Variants in LRMDA observed in about 807,000 individuals in gnomAD.
LRMDA encodes leucine-rich melanocyte differentiation-associated protein.
In LRMDA, 18 loss-of-function variants were observed where a neutral mutation model predicts 29.8. The observed-to-expected ratio is 0.60, with a 90% CI of 0.42 to 0.90. The LOEUF is 0.90. Ranked by LOEUF, LRMDA falls within the 40% of genes least tolerant of loss-of-function variation. The pLI is 0.00. For missense variants in LRMDA, 273 were observed against 273.9 expected (o/e 1.00, Z 0.02); for synonymous variants, 125 against 109.4 (o/e 1.14, Z -0.89).
intron 5 of LRMDA, among the ~76,000 whole-genome samples, chr10:76,285,875 G>C (rs892313808): frequency 6.6e-6 from 1 of 152,188 alleles, no homozygotes; most frequent in Non-Finnish European, 1.5e-5. Context: ...GTTCTCCCCA[G>C]TGCTAGAGTC....
At chr10:75,585,219 C>G (rs1033405064) in intron 2 of LRMDA, among the ~76,000 whole-genome samples, 1 of 152,216 alleles carries the variant, frequency 6.6e-6, no homozygotes, top group East Asian at 1.9e-4. Flanking sequence ...AGTTTTGCCC[C>G]TGTTAAAACT....
At chr10:76,118,568 G>T (rs1017741493) in intron 5 of LRMDA, among the ~76,000 whole-genome samples, 17 of 152,260 alleles carry the variant, frequency 1.1e-4, no homozygotes, top group Admixed American at 8.5e-4. Flanking sequence ...ACATACACAA[G>T]ATTCTGCCTT....
chr10:76,145,820 G>T (rs1002334119), intron 5 of LRMDA, among the ~76,000 whole-genome samples: 4 of 151,436 alleles, frequency 2.6e-5, no homozygotes, highest in African/African-American at 9.7e-5. Context: ...TTTCTCTTGT[G>T]GGCATTTAGT....
intron 2 of LRMDA, among the ~76,000 whole-genome samples, chr10:75,926,827 G>T (rs1391547355): frequency 6.6e-6 from 1 of 152,154 alleles, no homozygotes; most frequent in African/African-American, 2.4e-5. Context: ...AGACCTTGTT[G>T]TTTTTCTCCT....
chr10:75,869,291 A>G (rs1204681428), intron 2 of LRMDA, among the ~76,000 whole-genome samples: 1 of 152,190 alleles, frequency 6.6e-6, no homozygotes, highest in Non-Finnish European at 1.5e-5. Context: ...TTAATAATGA[A>G]GTTGAGACTG....
intron 2 of LRMDA, among the ~76,000 whole-genome samples, chr10:76,018,876 A>C (rs1847924658): frequency 6.6e-6 from 1 of 151,914 alleles, no homozygotes; most frequent in African/African-American, 2.4e-5. Context: ...GGCCCTGGAG[A>C]CTCTTAAGAC....
intron 5 of LRMDA, among the ~76,000 whole-genome samples, chr10:76,199,844 C>T (rs1851395505): frequency 6.6e-6 from 1 of 152,154 alleles, no homozygotes; most frequent in African/African-American, 2.4e-5. Context: ...TCTGAAGCAT[C>T]CTGAATCTAC....
chr10:76,100,941 A>G (rs964316567), intron 5 of LRMDA, among the ~76,000 whole-genome samples: 3 of 152,086 alleles, frequency 2.0e-5, no homozygotes. Context: ...CTATTTTCTC[A>G]TGCTAGTACA....
chr10:76,514,641 C>T (rs1843041676), intron 6 of LRMDA, among the ~76,000 whole-genome samples: 1 of 152,240 alleles, frequency 6.6e-6, no homozygotes, highest in African/African-American at 2.4e-5. Context: ...ATTTGAACTT[C>T]CCTCCTTGTG....
chr10:75,814,830 AG>A (rs1223352266), intron 2 of LRMDA, among the ~76,000 whole-genome samples: 1 of 152,232 alleles, frequency 6.6e-6, no homozygotes. Context: ...AGTGAAATGC[AG>A]GTAATAGGGC....
chr10:76,133,209 C>T (rs1850030756), intron 5 of LRMDA, among the ~76,000 whole-genome samples: 1 of 151,912 alleles, frequency 6.6e-6, no homozygotes, highest in Admixed American at 6.6e-5. Context: ...CAACGCTATG[C>T]TAAGTGTTAC....
At chr10:75,846,302 T>C (rs983988247) in intron 2 of LRMDA, among the ~76,000 whole-genome samples, 3 of 150,972 alleles carry the variant, frequency 2.0e-5, no homozygotes, top group Non-Finnish European at 4.4e-5. Context: ...TTCAAAATAA[T>C]TAAAGGGAAA....
intron 5 of LRMDA, among the ~76,000 whole-genome samples, chr10:76,059,247 G>C (rs1848666384): frequency 6.6e-6 from 1 of 152,214 alleles, no homozygotes; most frequent in African/African-American, 2.4e-5. Context: ...GATATCGTTA[G>C]TGTGGAAGGT....
Position 76,363,625 on chromosome 10 carries a change from C to G in LRMDA, c.601+39140C>G, listed in dbSNP as rs184805713. ...ATCTAGATAACATGGAATACTTTTG[C>G]TTACTCTTTCTCTGCCTTCCTTCAT... On this transcript the variant is annotated intron_variant, in intron 6 of 6. Coordinates refer to ENST00000611255, the MANE Select transcript of LRMDA (RefSeq NM_001305581.2). Among the ~76,000 whole-genome samples the G allele has an allele frequency of 1.3e-3, 193 of 151,972 alleles. 1 individual carries two copies. The highest frequency in any genetic ancestry group is 4.4e-3 in the African/African-American group (183 of 41,506).
chr10:75,708,967 G>C (rs973745186), intron 2 of LRMDA, among the ~76,000 whole-genome samples: 1 of 152,186 alleles, frequency 6.6e-6, no homozygotes, highest in Non-Finnish European at 1.5e-5. Flanking sequence ...ATTTGCATAG[G>C]AATAGGAAGT....
At chr10:76,206,297 C>T (rs1316572594) in intron 5 of LRMDA, among the ~76,000 whole-genome samples, 4 of 152,196 alleles carry the variant, frequency 2.6e-5, no homozygotes, top group African/African-American at 7.2e-5. Flanking sequence ...TTCTCTCTTT[C>T]CTCACACATC....
Position 75,517,883 on chromosome 10 carries a change from C to T in LRMDA, c.131+79389C>T, listed in dbSNP as rs547745331. On this transcript the variant is annotated intron_variant, in intron 2 of 6. Transcript: ENST00000611255. ...ATTTTGAGATACCTTCCATCAATACCTAGTTTATTGAGAGTTTTTAGCATG... is the reference window on the plus strand; with the variant it reads ...ATTTTGAGATACCTTCCATCAATACTTAGTTTATTGAGAGTTTTTAGCATG... 5.9e-5 allele frequency among the ~76,000 whole-genome samples: 9 copies of T among 152,228 alleles called. No homozygotes were observed. In the East Asian group the frequency reaches 1.7e-3, roughly 29 times the overall value.
intron 5 of LRMDA, among the ~76,000 whole-genome samples, chr10:76,152,910 G>T (rs1023724649): frequency 1.3e-5 from 2 of 151,316 alleles, no homozygotes; most frequent in African/African-American, 2.4e-5. Context: ...GCGTGATCTC[G>T]GCTCACTGCA....
chr10:75,602,318 G>A (rs1840897272), intron 2 of LRMDA, among the ~76,000 whole-genome samples: 1 of 152,174 alleles, frequency 6.6e-6, no homozygotes, highest in Admixed American at 6.5e-5. Context: ...TAAAAGGGAA[G>A]GGATGGGATA....
Sources: gnomAD v4.1 joint callset for allele counts (sites outside exome capture counted in the v4.1 genomes callset) on GRCh38, gnomAD v4.1.1 for gene constraint, MANE v1.5 for transcripts, NCBI Gene and HGNC (gene_info 2026-07-23, HGNC 2026-07-21) for gene names.